The following STXBP5 variants were observed in gnomAD, a reference collection of about 807,000 sequenced individuals.
STXBP5 encodes syntaxin binding protein 5.
STXBP5 carries 50 observed loss-of-function variants against 152.4 expected under a neutral mutation model. The observed-to-expected ratio is 0.33, with a 90% CI of 0.26 to 0.42. The LOEUF (loss-of-function observed/expected upper bound fraction) is 0.42, where lower values mean the gene tolerates loss of function less well. Ranked by LOEUF, STXBP5 falls within the 10% of genes least tolerant of loss-of-function variation. The pLI is 1.00. For missense variants in STXBP5, 1,167 were observed against 1,388.6 expected, an observed-to-expected ratio of 0.84 and a Z score of 2.54; for synonymous variants, 492 against 494.7, an observed-to-expected ratio of 0.99 and a Z score of 0.07.
chr6:147,288,953 G>A (rs776517574), intron 8 of STXBP5, among the ~76,000 whole-genome samples: 3 of 152,050 alleles, frequency 2.0e-5, no homozygotes, highest in Non-Finnish European at 4.4e-5. Context: ...AGGTGAACAC[G>A]TGCAGTGTGT....
intron 4 of STXBP5, among the ~76,000 whole-genome samples, chr6:147,250,882 C>T (rs915917740): frequency 1.3e-5 from 2 of 149,176 alleles, no homozygotes; most frequent in Admixed American, 6.7e-5. Context: ...TTAGGAGAAT[C>T]GCTTGAACCT....
rs923251773 is a variant in STXBP5 at position 147,274,512 on chromosome 6, C to T, written c.715-3569C>T. On this transcript the variant is annotated intron_variant, in intron 7 of 27. Coordinates refer to ENST00000321680, the MANE Select transcript of STXBP5 (RefSeq NM_001127715.4). ...ATTATATAGTATTATGGTTGTCTCCCTTCTATGGTGTAACTATATTGAAAA... is the reference window on the plus strand; with the variant it reads ...ATTATATAGTATTATGGTTGTCTCCTTTCTATGGTGTAACTATATTGAAAA... 1.3e-4 allele frequency among the ~76,000 whole-genome samples: 20 copies of T among 152,110 alleles called. No homozygotes were observed. The South Asian group carries it at 4.2e-3, about 32-fold the overall frequency.
intron 8 of STXBP5, among the ~76,000 whole-genome samples, chr6:147,280,019 GA>G (rs1410099346): frequency 6.6e-6 from 1 of 150,986 alleles, no homozygotes; most frequent in Non-Finnish European, 1.5e-5. Flanking sequence ...ATCTGTTTGA[GA>G]GTAAGTTGTC....
intron 9 of STXBP5, among the ~76,000 whole-genome samples, chr6:147,304,858 CCAATTTCTCCCATTTGGAATGGGAGA>C (rs1669425458): frequency 6.6e-6 from 1 of 151,964 alleles, no homozygotes; most frequent in Non-Finnish European, 1.5e-5. Flanking sequence ...TTAATTTTGG[CCAATTTCTCCCATTTGGAATGGGAGA>C]AATTGGAATT....
chr6:147,225,218 C>CA (rs1031814203), intron 2 of STXBP5, among the ~76,000 whole-genome samples: 2 of 152,050 alleles, frequency 1.3e-5, no homozygotes, highest in Admixed American at 6.6e-5. Context: ...AATATCTACT[C>CA]AAAGAAATTT....
intron 4 of STXBP5, among the ~76,000 whole-genome samples, chr6:147,250,564 AT>A (rs1779033746): frequency 6.6e-6 from 1 of 152,124 alleles, no homozygotes; most frequent in Admixed American, 6.5e-5. Context: ...GGATTTTGGT[AT>A]TCATGGGGCT....
Position 147,325,014 on chromosome 6 carries a change from C to T in STXBP5, c.1858C>T (p.Gln620Ter). The change falls in exon 17 of 28, where the codon CAG becomes TAG. Residue 620 changes from glutamine to a stop codon, truncating the protein, a stop_gained. Coordinates refer to ENST00000321680, the MANE Select transcript of STXBP5 (RefSeq NM_001127715.4). LOFTEE classifies it high-confidence loss of function. The stretch of plus-strand genomic sequence containing the variant: ...AGGTTATCAAACAGAACTAGTTATT[C>T]AGTTGGTTTGGGTGGGTGGAGAACC... The part of the protein sequence containing the change: ...SPGYQTELVI[Q>*]LVWVGGEPPQ... 1 of 1,597,214 alleles carries T rather than the reference C, an allele frequency of 6.3e-7. No individual in the cohort carries two copies. The highest frequency in any genetic ancestry group is 8.5e-7 in the Non-Finnish European group (1 of 1,169,626).
At chr6:147,314,714 C>T (rs1339264171) in intron 14 of STXBP5, 78 bp downstream of exon 14, 3 of 1,039,626 alleles carry the variant, frequency 2.9e-6, no homozygotes, top group Admixed American at 2.6e-5. Flanking sequence ...ATAATAATTG[C>T]ATAACCAATA....
rs551024360 is a variant in STXBP5, at chr6:147,359,164, G to A, written c.2386G>A (p.Ala796Thr). ...IDKESREAIS[A>T]LHFCETFTRK... ...CAAAGAATCCCGAGAAGCGATCTCC[G>A]CTCTTCATTTCTGTGAAACGTTTAC... is the stretch of plus-strand genomic sequence containing the variant. Residue 796 changes from alanine (A) to threonine (T), a missense_variant, in exon 23 of 28, where the codon GCT (alanine) becomes ACT (threonine). By Grantham distance (58) the Ala-to-Thr change is moderately conservative. Transcript: ENST00000321680. The A allele has an allele frequency of 9.9e-6, 16 of 1,614,028 alleles. No individual in the cohort carries two copies. Among genetic ancestry groups the A allele is most frequent in the Middle Eastern group, 1.7e-4 (1 of 6,060 alleles).
chr6:147,261,357 C>G (rs1035038135), intron 5 of STXBP5, among the ~76,000 whole-genome samples: 3 of 151,954 alleles, frequency 2.0e-5, no homozygotes, highest in Non-Finnish European at 4.4e-5. Flanking sequence ...ACTCTTCACT[C>G]TGTCTTAAAT....
rs1483861056 is a variant in STXBP5 at position 147,339,381 on chromosome 6, A to C, written c.2251A>C (p.Ile751Leu). Residue 751 changes from isoleucine to leucine, a missense_variant, in exon 21 of 28, where the codon ATA (isoleucine) becomes CTA (leucine). By Grantham distance (5) the Ile-to-Leu change is conservative. Coordinates refer to ENST00000321680, the MANE Select transcript of STXBP5 (RefSeq NM_001127715.4). ...RKFSKMVAND[I>L]AKMSRKLSLP... ...GTTTTCCAAGATGGTAGCCAATGAT[A>C]TAGGTAGGAAATAGAAATTTCTATT... 1 of 1,491,258 alleles carries C rather than the reference A, an allele frequency of 6.7e-7. No individual in the cohort carries two copies. Among genetic ancestry groups the C allele is most frequent in the Non-Finnish European group, 8.9e-7 (1 of 1,128,296 alleles). The allele number at this position is 1,491,258 out of a possible 1,614,324, so 92.4% of individuals were successfully genotyped here.
intron 9 of STXBP5, among the ~76,000 whole-genome samples, chr6:147,301,887 T>G (rs150567494): frequency 1.3e-5 from 2 of 152,318 alleles, no homozygotes; most frequent in African/African-American, 4.8e-5. Context: ...ACTTCAGACC[T>G]GCTACTGCTG....
chr6:147,367,598 A>G (rs1283874332), intron 25 of STXBP5, among the ~76,000 whole-genome samples: 2 of 152,180 alleles, frequency 1.3e-5, no homozygotes, highest in Non-Finnish European at 2.9e-5. Flanking sequence ...AGATCACGCC[A>G]CTACACTCCA....
At chr6:147,213,477 T>TGTGTGTGTGTGTGCGCGCGCGC in intron 2 of STXBP5, among the ~76,000 whole-genome samples, 21 of 131,278 alleles carry the variant, frequency 1.6e-4, no homozygotes, top group African/African-American at 6.1e-4. Flanking sequence ...TGTGTGTGTG[T>TGTGTGTGTGTGTGCGCGCGCGC]GCGCGCGCAT....
At chr6:147,276,595 T>C (rs1442562909) in intron 7 of STXBP5, among the ~76,000 whole-genome samples, 2 of 152,156 alleles carry the variant, frequency 1.3e-5, no homozygotes, top group African/African-American at 2.4e-5. Flanking sequence ...ACCTCTTTTG[T>C]ATTTTCCCTT....
At chr6:147,305,396 A>G (rs1408525375) in intron 9 of STXBP5, among the ~76,000 whole-genome samples, 1 of 152,176 alleles carries the variant, frequency 6.6e-6, no homozygotes, top group Non-Finnish European at 1.5e-5. Context: ...CCCTTCTATT[A>G]AAGAGATTTT....
At chr6:147,267,820 C>G (rs1779968490) in intron 7 of STXBP5, among the ~76,000 whole-genome samples, 2 of 151,988 alleles carry the variant, frequency 1.3e-5, no homozygotes, top group South Asian at 4.1e-4. Context: ...CTGGTGGAAC[C>G]TTAGTGTCTA....
Position 147,325,224 on chromosome 6 carries a change from CTGTT to C in STXBP5, c.1928+142_1928+145del, listed in dbSNP as rs1318279861. On this transcript the variant is annotated intron_variant, in intron 17 of 27. Transcript: ENST00000321680. ...CAATTTTGATTTCAGACGAAATTGA[CTGTT>C]TATTTGGAACATAATTTCATTCTGA... The C allele has an allele frequency of 5.8e-6, 5 of 868,504 alleles. No individual in the cohort carries two copies. In the African/African-American group the frequency reaches 7.0e-5, roughly 12 times the overall value. The allele number at this position is 868,504 out of a possible 1,614,324, so 53.8% of individuals were successfully genotyped here.
chr6:147,307,942 C>T (rs1053762523), intron 9 of STXBP5, among the ~76,000 whole-genome samples: 7 of 152,050 alleles, frequency 4.6e-5, no homozygotes, highest in Admixed American at 4.6e-4. Context: ...TCCCTGGGTG[C>T]TTTGTGGACA....
Sources: gnomAD v4.1 joint callset for allele counts (sites outside exome capture counted in the v4.1 genomes callset) on GRCh38, gnomAD v4.1.1 for gene constraint, MANE v1.5 for transcripts, NCBI Gene and HGNC (gene_info 2026-07-23, HGNC 2026-07-21) for gene names.